MYCBP2: variants seen among roughly 807,000 people sequenced by gnomAD.
MYCBP2 encodes MYC binding protein 2.
Under a neutral mutation model 525.3 loss-of-function variants are expected in MYCBP2, and 120 were observed. The ratio of observed to expected loss-of-function variants is 0.23; its 90% CI spans 0.20 to 0.27. The LOEUF is 0.27. Ranked by LOEUF, MYCBP2 falls within the 10% of genes least tolerant of loss-of-function variation. The probability of loss-of-function intolerance (pLI) is 1.00; values close to 1 mark genes in which losing one functional copy is unlikely to be tolerated. For missense variants in MYCBP2, 4,149 were observed against 5,657.1 expected, an observed-to-expected ratio of 0.73 and a Z score of 8.55; for synonymous variants, 1,894 against 1,955.8, an observed-to-expected ratio of 0.97 and a Z score of 0.83.
intron 57 of MYCBP2, among the ~76,000 whole-genome samples, 200 bp from the exon 58 acceptor site, chr13:77,095,802 T>C (rs374483186): frequency 1.3e-5 from 2 of 152,170 alleles, no homozygotes; most frequent in East Asian, 1.9e-4. Context: ...ACACAAACTA[T>C]ACTTCCTTTC....
intron 26 of MYCBP2, among the ~76,000 whole-genome samples, chr13:77,197,140 A>C (rs2061839925): frequency 6.6e-6 from 1 of 152,328 alleles, no homozygotes; most frequent in African/African-American, 2.4e-5. Context: ...TGAATTTAGC[A>C]ATATGAAAGT....
intron 4 of MYCBP2, among the ~76,000 whole-genome samples, chr13:77,275,045 T>C (rs2075365398): frequency 1.3e-5 from 2 of 152,144 alleles, no homozygotes; most frequent in African/African-American, 4.8e-5. Flanking sequence ...CTTCAGTGAG[T>C]ACATCTGTTG....
chr13:77,271,810 T>A (rs2074938571), intron 5 of MYCBP2, among the ~76,000 whole-genome samples: 1 of 152,200 alleles, frequency 6.6e-6, no homozygotes, highest in African/African-American at 2.4e-5. Flanking sequence ...TACATCTCTA[T>A]CAGCAGCGTG....
chr13:77,122,677 G>A (rs957275257), intron 54 of MYCBP2, among the ~76,000 whole-genome samples: 7 of 137,186 alleles, frequency 5.1e-5, no homozygotes, highest in African/African-American at 1.1e-4. Flanking sequence ...GTGACAGAGC[G>A]AGACTCCATC....
chr13:77,057,907 A>G lies in MYCBP2; in HGVS notation c.13329+311T>C, dbSNP rs556525995. On this transcript the variant is annotated intron_variant, in intron 78 of 82. Transcript: ENST00000544440. ...GGCTGCAGTGCAGTGGTGCCATCTC[A>G]GATCACTGCAAGCTCCGTCTCCTGG... Among the ~76,000 whole-genome samples the G allele has an allele frequency of 2.1e-3, 296 of 142,056 alleles. 2 individuals carry two copies. The highest frequency in any genetic ancestry group is 5.7e-3 in the African/African-American group (212 of 37,448). 93.2% of individuals were successfully genotyped at this position (142,056 alleles called of 152,430 possible). A position where few individuals can be genotyped will look rare whatever the true frequency, so the allele number is the denominator to read the frequency against.
At chr13:77,101,568 G>A (rs1003214765) in intron 55 of MYCBP2, among the ~76,000 whole-genome samples, 1 of 151,910 alleles carries the variant, frequency 6.6e-6, no homozygotes, top group Non-Finnish European at 1.5e-5. Flanking sequence ...GAAAGAATAG[G>A]CATTTGTATA....
At chr13:77,227,150 G>A (rs954683142) in intron 18 of MYCBP2, among the ~76,000 whole-genome samples, 10 of 151,952 alleles carry the variant, frequency 6.6e-5, no homozygotes, top group African/African-American at 2.4e-4. Flanking sequence ...CCCCTTATAA[G>A]TATGACCCTG....
chr13:77,061,407 C>T (rs981157324), intron 75 of MYCBP2, 106 bp from the exon 76 acceptor site: 11 of 1,038,010 alleles, frequency 1.1e-5, no homozygotes, highest in Admixed American at 6.4e-5. Context: ...CATTTAAGCA[C>T]TCTAAGAAGT....
At position 77,082,938 on chromosome 13, in the gene MYCBP2, T is replaced by C. The variant is rs929644684; in HGVS notation, c.11036+94A>G. On this transcript the variant is annotated intron_variant, in intron 63 of 82. Coordinates refer to ENST00000544440, the MANE Select transcript of MYCBP2 (RefSeq NM_015057.5). The stretch of plus-strand genomic sequence containing the variant: ...ATATAATGTAGGGATTCTATCTTAC[T>C]ATTTAAAGAGCTTTTTTTGGAGCAT... The C allele has an allele frequency of 4.0e-6, 5 of 1,258,652 alleles. No homozygotes were observed. The African/African-American group carries it at 4.5e-5, about 11-fold the overall frequency. The allele number at this position is 1,258,652 out of a possible 1,614,324, so 78.0% of individuals were successfully genotyped here.
At chr13:77,054,063 T>G (rs754641441) in intron 80 of MYCBP2, among the ~76,000 whole-genome samples, 1 of 151,974 alleles carries the variant, frequency 6.6e-6, no homozygotes, top group African/African-American at 2.4e-5. Flanking sequence ...GATGGGGGTA[T>G]GTTACAGAGG....
At chr13:77,268,898 A>G (rs1269331877) in intron 7 of MYCBP2, among the ~76,000 whole-genome samples, 1 of 152,244 alleles carries the variant, frequency 6.6e-6, no homozygotes, top group Admixed American at 6.5e-5. Flanking sequence ...ATCTTTTATC[A>G]TTTGATCCTG....
At chr13:77,147,188 T>C (rs2055730404) in intron 47 of MYCBP2, among the ~76,000 whole-genome samples, 1 of 152,116 alleles carries the variant, frequency 6.6e-6, no homozygotes, top group African/African-American at 2.4e-5. Flanking sequence ...ATGAATAAAT[T>C]TGTATTCAGT....
chr13:77,180,368 A>T, intron 33 of MYCBP2, 50 bp from the exon 34 acceptor site: 1 of 1,491,584 alleles, frequency 6.7e-7, no homozygotes, highest in Non-Finnish European at 9.2e-7. Flanking sequence ...TTTCCTTCAT[A>T]GGAGTACTCA....
At chr13:77,114,624 T>C (rs956182529) in intron 55 of MYCBP2, among the ~76,000 whole-genome samples, 21 of 152,110 alleles carry the variant, frequency 1.4e-4, no homozygotes, top group African/African-American at 4.8e-4. Context: ...ATGAGTATAA[T>C]AGAAAAACTC....
chr13:77,117,645 T>C (rs967122035), intron 55 of MYCBP2, among the ~76,000 whole-genome samples: 1 of 152,174 alleles, frequency 6.6e-6, no homozygotes, highest in Admixed American at 6.6e-5. Context: ...TTAATGTGTT[T>C]ATATATTGTA....
At position 77,081,465 on chromosome 13, in the gene MYCBP2, A is replaced by G. The variant is rs1363067873; in HGVS notation, c.11380T>C (p.Tyr3794His). The G allele has an allele frequency of 6.2e-7, 1 of 1,612,628 alleles. No homozygotes were observed. The highest frequency in any genetic ancestry group is 8.5e-7 in the Non-Finnish European group (1 of 1,179,792). The change falls in exon 65 of 83, where the codon TAT becomes CAT. Residue 3794 changes from tyrosine to histidine, a missense_variant. Tyr to His is a moderately conservative substitution (Grantham distance 83). Coordinates refer to ENST00000544440, the MANE Select transcript of MYCBP2 (RefSeq NM_015057.5). The surrounding 1 kb of genome is among the most constrained non-coding windows in gnomAD (Gnocchi z 4.6). ...GAATTGTCCACGTGAACAGACACAT[A>G]GCGGGCATTGATTCCTTTTACACAG... is the stretch of plus-strand genomic sequence containing the variant. Reference protein sequence around the residue: ...INCVKGINARYVSVHVDNSRD... With the variant: ...INCVKGINARHVSVHVDNSRD...
intron 2 of MYCBP2, among the ~76,000 whole-genome samples, chr13:77,289,336 T>C (rs2077224303): frequency 6.6e-6 from 1 of 152,082 alleles, no homozygotes; most frequent in Non-Finnish European, 1.5e-5. Flanking sequence ...GTATTAGCTA[T>C]TCAAATCCAA....
chr13:77,094,699 G>C (rs757169677), intron 58 of MYCBP2, among the ~76,000 whole-genome samples: 2 of 152,108 alleles, frequency 1.3e-5, no homozygotes, highest in Non-Finnish European at 2.9e-5. Flanking sequence ...TCGCTTGCCT[G>C]ACAGATTTCT....
chr13:77,296,031 A>C (rs1594749405), intron 2 of MYCBP2, among the ~76,000 whole-genome samples: 2 of 152,332 alleles, frequency 1.3e-5, no homozygotes, highest in Admixed American at 1.3e-4. Context: ...ACAGAAATGG[A>C]TATGTTCCCC....
Sources: gnomAD v4.1 joint callset for allele counts (sites outside exome capture counted in the v4.1 genomes callset) on GRCh38, gnomAD v4.1.1 for gene constraint, Gnocchi (gnomAD v3.1) non-coding constraint, MANE v1.5 for transcripts, NCBI Gene and HGNC (gene_info 2026-07-23, HGNC 2026-07-21) for gene names.